RERE: variants seen among roughly 807,000 people sequenced by gnomAD.
The protein encoded by RERE is arginine-glutamic acid dipeptide repeats, also known as arginine-glutamic acid dipeptide repeats protein.
Under a neutral mutation model 146.1 loss-of-function variants are expected in RERE, and 40 were observed. That is an observed-to-expected ratio of 0.27 (90% CI 0.21 to 0.36). The LOEUF (loss-of-function observed/expected upper bound fraction) is 0.36, where lower values mean the gene tolerates loss of function less well. Ranked by LOEUF, RERE falls within the 10% of genes least tolerant of loss-of-function variation. The pLI, the probability that RERE is intolerant of heterozygous loss-of-function variation, is 1.00. For missense variants in RERE, 1,933 were observed against 2,138.7 expected (o/e 0.90, Z 1.90); for synonymous variants, 1,003 against 866.0 (o/e 1.16, Z -2.78).
At chr1:8,510,491 T>C (rs1203817488) in intron 7 of RERE, among the ~76,000 whole-genome samples, 3 of 152,094 alleles carry the variant, frequency 2.0e-5, no homozygotes, top group African/African-American at 7.2e-5. Context: ...AGCTAAAAGA[T>C]GGATTGTTCT....
chr1:8,811,935 A>G (rs762186758), intron 1 of RERE, among the ~76,000 whole-genome samples: 4 of 152,216 alleles, frequency 2.6e-5, no homozygotes, highest in Non-Finnish European at 5.9e-5. Flanking sequence ...TGAGGAGGCA[A>G]CAAGGTATCT....
intron 1 of RERE, among the ~76,000 whole-genome samples, chr1:8,675,677 C>G (rs961378929): frequency 1.3e-5 from 2 of 151,786 alleles, no homozygotes; most frequent in Non-Finnish European, 2.9e-5. Context: ...GAACTGAGAT[C>G]ACACCACTGC....
At chr1:8,581,809 T>C (rs1010856523) in intron 4 of RERE, among the ~76,000 whole-genome samples, 9 of 152,224 alleles carry the variant, frequency 5.9e-5, no homozygotes, top group Admixed American at 5.2e-4. Context: ...TCTTACTTTG[T>C]ATAGTATTAC....
intron 7 of RERE, among the ~76,000 whole-genome samples, chr1:8,516,744 T>C (rs1327601348): frequency 6.6e-6 from 1 of 152,226 alleles, no homozygotes; most frequent in Non-Finnish European, 1.5e-5. Context: ...TGAGAATCCA[T>C]ATCCCTTTCC....
intron 1 of RERE, among the ~76,000 whole-genome samples, chr1:8,664,634 T>C (rs1460231523): frequency 3.9e-5 from 6 of 152,162 alleles, no homozygotes; most frequent in African/African-American, 1.4e-4. Context: ...TTGCCCAGGC[T>C]AGTCTTGAAC....
intron 10 of RERE, among the ~76,000 whole-genome samples, chr1:8,470,260 A>C (rs546883438): frequency 8.9e-4 from 135 of 152,154 alleles, no homozygotes; most frequent in African/African-American, 3.2e-3. Context: ...CCAAAGTGAC[A>C]AATTTTTTTC....
intron 3 of RERE, among the ~76,000 whole-genome samples, chr1:8,618,995 A>G (rs1327386238): frequency 1.3e-5 from 2 of 152,234 alleles, no homozygotes; most frequent in Middle Eastern, 3.2e-3. Context: ...CAGACCAGGC[A>G]TAAGAGAGAA....
intron 1 of RERE, among the ~76,000 whole-genome samples, chr1:8,794,446 G>C (rs1641429075): frequency 6.6e-6 from 1 of 151,508 alleles, no homozygotes; most frequent in African/African-American, 2.4e-5. Flanking sequence ...TATATTAAAG[G>C]GTCCTGGACC....
chr1:8,581,731 G>A (rs1382625938), intron 4 of RERE, among the ~76,000 whole-genome samples: 1 of 152,054 alleles, frequency 6.6e-6, no homozygotes, highest in Non-Finnish European at 1.5e-5. Context: ...TATATGTGTG[G>A]ATTCATTTAA....
At chr1:8,680,719 GGA>G (rs1638945549) in intron 1 of RERE, among the ~76,000 whole-genome samples, 1 of 152,104 alleles carries the variant, frequency 6.6e-6, no homozygotes, top group African/African-American at 2.4e-5. Context: ...CACTCAGCTA[GGA>G]TTAAAGGAAA....
At chr1:8,651,533 A>C (rs896140630) in intron 2 of RERE, among the ~76,000 whole-genome samples, 3 of 152,086 alleles carry the variant, frequency 2.0e-5, no homozygotes, top group Non-Finnish European at 4.4e-5. Flanking sequence ...GTTTTTCATC[A>C]CTAACAAAGG....
intron 1 of RERE, among the ~76,000 whole-genome samples, chr1:8,702,545 A>C (rs1639475104): frequency 6.6e-6 from 1 of 152,202 alleles, no homozygotes; most frequent in Admixed American, 6.5e-5. Flanking sequence ...GCAAAATAAC[A>C]GTAGTTCGGT....
chr1:8,745,930 T>C (rs1392217548), intron 1 of RERE, among the ~76,000 whole-genome samples: 1 of 152,170 alleles, frequency 6.6e-6, no homozygotes, highest in Non-Finnish European at 1.5e-5. Context: ...TAGCCAAGCA[T>C]GGCAGCACAT....
chr1:8,437,515 T>C (rs1359646847), intron 11 of RERE, among the ~76,000 whole-genome samples: 4 of 152,064 alleles, frequency 2.6e-5, no homozygotes, highest in African/African-American at 9.7e-5. Context: ...TGGCTGTGAC[T>C]TTCAAGAGAG....
intron 1 of RERE, among the ~76,000 whole-genome samples, chr1:8,758,582 T>C (rs1398986988): frequency 6.6e-6 from 1 of 151,792 alleles, no homozygotes; most frequent in Admixed American, 6.6e-5. Context: ...TTTTTTGTAG[T>C]GACGAGGTCT....
At chr1:8,549,630 T>C (rs1364209151) in intron 6 of RERE, among the ~76,000 whole-genome samples, 3 of 152,180 alleles carry the variant, frequency 2.0e-5, no homozygotes, top group African/African-American at 7.2e-5. Context: ...GATAAATGAT[T>C]TGCAGAGTGT....
chr1:8,699,192 A>C (rs1639396314), intron 1 of RERE, among the ~76,000 whole-genome samples: 5 of 152,198 alleles, frequency 3.3e-5, no homozygotes, highest in Admixed American at 3.3e-4. Context: ...CATGCTAAGC[A>C]TGGTCCTAAA....
At chr1:8,395,814 AG>A (rs974652541) in intron 12 of RERE, among the ~76,000 whole-genome samples, 7 of 152,188 alleles carry the variant, frequency 4.6e-5, no homozygotes, top group African/African-American at 1.2e-4. Context: ...GGGGCACAGG[AG>A]GAAGTATGAG....
intron 1 of RERE, among the ~76,000 whole-genome samples, chr1:8,712,409 G>A (rs1639686290): frequency 6.6e-6 from 1 of 152,164 alleles, no homozygotes; most frequent in Non-Finnish European, 1.5e-5. Context: ...TCTAAACACT[G>A]ATCATCCCCT....
Sources: gnomAD v4.1 joint callset for allele counts (sites outside exome capture counted in the v4.1 genomes callset) on GRCh38, gnomAD v4.1.1 for gene constraint, MANE v1.5 for transcripts, NCBI Gene and HGNC (gene_info 2026-07-23, HGNC 2026-07-21) for gene names.